LAMA2: variants seen among roughly 807,000 people sequenced by gnomAD.
LAMA2 encodes the protein laminin subunit alpha-2.
A neutral mutation model predicts 364.8 loss-of-function variants in LAMA2; 269 were observed. That is an observed-to-expected ratio of 0.74 (90% confidence interval 0.67 to 0.82). The LOEUF is 0.82. Among genes scored for constraint, LAMA2 ranks in the 40% least tolerant of loss-of-function variants. The probability of loss-of-function intolerance (pLI) is 0.00; values close to 1 mark genes in which losing one functional copy is unlikely to be tolerated. For synonymous variants in LAMA2, 1,379 were observed against 1,370.6 expected (o/e 1.01, Z -0.14); for missense variants, 3,807 against 3,873.2 (o/e 0.98, Z 0.45).
intron 40 of LAMA2, among the ~76,000 whole-genome samples, chr6:129,416,401 T>C (rs532210472): frequency 6.6e-6 from 1 of 152,274 alleles, no homozygotes; most frequent in African/African-American, 2.4e-5. Flanking sequence ...GAGCTGTTTG[T>C]TTTCTTACTG....
At position 128,898,150 on chromosome 6, in the gene LAMA2, T is replaced by G. The variant is rs149365313; in HGVS notation, c.112+14793T>G. 5.9e-3 allele frequency among the ~76,000 whole-genome samples: 902 copies of G among 152,350 alleles called. 6 individuals are homozygous for G. Among genetic ancestry groups the G allele is most frequent in the Non-Finnish European group, 7.9e-3 (535 of 68,022 alleles). ...TTTACAATCAGTGGTGTTTTCAGCA[T>G]GGACAACTGGAGCTTTAACTTAAAA... On this transcript the variant is annotated intron_variant, in intron 1 of 64. Transcript: ENST00000421865.
chr6:128,893,304 G>A (rs1776571759), intron 1 of LAMA2, among the ~76,000 whole-genome samples: 1 of 151,590 alleles, frequency 6.6e-6, no homozygotes, highest in Admixed American at 6.6e-5. Context: ...TGACAGAGTT[G>A]GTCTTAGGCA....
At chr6:128,961,318 G>GATAGATATAT (rs1257743658) in intron 1 of LAMA2, among the ~76,000 whole-genome samples, 1 of 57,806 alleles carries the variant, frequency 1.7e-5, no homozygotes, top group Non-Finnish European at 3.7e-5. Flanking sequence ...GAACTAATAT[G>GATAGATATAT]ATATATATAT....
intron 45 of LAMA2, among the ~76,000 whole-genome samples, chr6:129,452,053 C>A (rs1043129106): frequency 2.6e-5 from 4 of 152,204 alleles, no homozygotes; most frequent in Admixed American, 2.0e-4. Context: ...AGAGATTTTA[C>A]ATCTTCCCCT....
At chr6:129,388,691 G>GCA (rs1779160135) in intron 35 of LAMA2, among the ~76,000 whole-genome samples, 1 of 151,680 alleles carries the variant, frequency 6.6e-6, no homozygotes, top group African/African-American at 2.4e-5. Context: ...ACACACACAC[G>GCA]CGCGCACACA....
intron 22 of LAMA2, among the ~76,000 whole-genome samples, chr6:129,305,455 G>C (rs1456404436): frequency 6.6e-6 from 1 of 151,930 alleles, no homozygotes; most frequent in East Asian, 1.9e-4. Context: ...CTCCAGAGTA[G>C]CTGGGACTAC....
chr6:129,281,052 G>A (rs560683038), intron 18 of LAMA2, among the ~76,000 whole-genome samples: 9 of 152,194 alleles, frequency 5.9e-5, no homozygotes, highest in African/African-American at 1.7e-4. Flanking sequence ...AGAGAATTTA[G>A]CTAGCAACTA....
At chr6:129,288,166 A>G (rs879576425) in intron 19 of LAMA2, 108 bp downstream of exon 19, 4 of 902,482 alleles carry the variant, frequency 4.4e-6, no homozygotes, top group African/African-American at 3.3e-5. Flanking sequence ...TGTGGAATAC[A>G]TGGTTGATAG....
Position 129,444,071 on chromosome 6 carries a change from A to T in LAMA2, c.6274+1003A>T, listed in dbSNP as rs141904675. Among the ~76,000 whole-genome samples the T allele has an allele frequency of 1.4e-3, 213 of 152,294 alleles. 1 individual carries two copies. The highest frequency in any genetic ancestry group is 4.9e-3 in the African/African-American group (204 of 41,578). On this transcript the variant is annotated intron_variant, in intron 44 of 64. Transcript: ENST00000421865. ...AGTGATTGTCAAGTTTCATCAAGAA[A>T]AATAAAGGACAAATAGGCAAAGCTC...
In LAMA2 at chr6:128,940,019, C is replaced by CA. The variant is rs554475705; in HGVS notation, c.112+56669dup. Among the ~76,000 whole-genome samples the CA allele has an allele frequency of 4.7e-3, 722 of 152,142 alleles. 2 individuals carry two copies. Among genetic ancestry groups the CA allele is most frequent in the Non-Finnish European group, 8.3e-3 (563 of 67,980 alleles). On this transcript the variant is annotated intron_variant, in intron 1 of 64. Coordinates refer to ENST00000421865, the MANE Select transcript of LAMA2 (RefSeq NM_000426.4). The stretch of plus-strand genomic sequence containing the variant: ...ACAGTGGTCTACCATGGTTCCTTTA[C>CA]AAAAAAAGACCAAAAATGTTCTGCC...
rs58958022 is a variant in LAMA2 at position 129,371,725 on chromosome 6, G to C, written c.4959+1735G>C. On this transcript the variant is annotated intron_variant, in intron 34 of 64. Transcript: ENST00000421865. ...GGGTTCAAGTGATTTTCCTGCCTCA[G>C]CCTCCCAAGTAGCTGGGATTACAGG... 3.8e-3 allele frequency among the ~76,000 whole-genome samples: 572 copies of C among 151,350 alleles called. 6 individuals are homozygous for C. The highest frequency in any genetic ancestry group is 0.013 in the African/African-American group (532 of 41,200).
intron 17 of LAMA2, among the ~76,000 whole-genome samples, chr6:129,279,649 C>T (rs1289179026): frequency 1.3e-5 from 2 of 152,150 alleles, no homozygotes; most frequent in Non-Finnish European, 2.9e-5. Flanking sequence ...CTACCACATA[C>T]TGAGATTTCC....
chr6:128,931,708 T>A (rs1779491027), intron 1 of LAMA2, among the ~76,000 whole-genome samples: 1 of 152,194 alleles, frequency 6.6e-6, no homozygotes, highest in Non-Finnish European at 1.5e-5. Context: ...AAATTATTTT[T>A]TCTAAGATCC....
At chr6:129,105,335 C>A (rs1001416745) in intron 4 of LAMA2, among the ~76,000 whole-genome samples, 1 of 152,094 alleles carries the variant, frequency 6.6e-6, no homozygotes, top group Admixed American at 6.5e-5. Context: ...AAAGCAGTAG[C>A]CCAGATGCTA....
Position 129,492,494 on chromosome 6 carries a change from A to G in LAMA2, c.8244+11A>G, listed in dbSNP as rs1487721805. On this transcript the variant is annotated intron_variant, in intron 58 of 64. Transcript: ENST00000421865. ...CCAGTTCTGACACATGTAAGTGTTT[A>G]TATTATCCCCATTGCTTTCTAATTT... The G allele has an allele frequency of 6.2e-7, 1 of 1,610,000 alleles. No homozygotes were observed. The highest frequency in any genetic ancestry group is 8.5e-7 in the Non-Finnish European group (1 of 1,176,392).
chr6:129,011,518 T>C (rs1784765943), intron 1 of LAMA2, among the ~76,000 whole-genome samples: 2 of 152,194 alleles, frequency 1.3e-5, no homozygotes, highest in Admixed American at 6.5e-5. Context: ...TTTGTATCAT[T>C]AGGCAAGGCT....
intron 3 of LAMA2, among the ~76,000 whole-genome samples, chr6:129,093,721 A>T (rs1774990032): frequency 6.6e-6 from 1 of 152,250 alleles, no homozygotes; most frequent in Non-Finnish European, 1.5e-5. Flanking sequence ...TGACATGCAA[A>T]TGAGTAACAA....
At chr6:129,472,118 G>A (rs1281236983) in intron 51 of LAMA2, among the ~76,000 whole-genome samples, 1 of 151,884 alleles carries the variant, frequency 6.6e-6, no homozygotes, top group Non-Finnish European at 1.5e-5. Context: ...AAAGATCTGG[G>A]CAGCTATAAA....
intron 27 of LAMA2, 41 bp from the exon 28 acceptor site, chr6:129,320,497 T>A: frequency 8.6e-7 from 1 of 1,162,056 alleles, no homozygotes; most frequent in Admixed American, 1.7e-5. Context: ...TGATCTTAAC[T>A]GACTGTCATA....
Sources: allele counts gnomAD v4.1 joint callset (sites outside exome capture counted in the v4.1 genomes callset), GRCh38; gene constraint gnomAD v4.1.1; transcripts MANE v1.5; gene names NCBI Gene and HGNC (gene_info 2026-07-23, HGNC 2026-07-21).